The following DLGAP3 variants were observed in gnomAD, a reference collection of about 807,000 sequenced individuals.
DLGAP3 encodes disks large-associated protein 3.
In DLGAP3, 17 loss-of-function variants were observed where a neutral mutation model predicts 81.2. The ratio of observed to expected loss-of-function variants is 0.21; its 90% CI spans 0.14 to 0.31. The LOEUF is 0.31. DLGAP3 is among the 10% of genes least tolerant of loss of function. The probability of loss-of-function intolerance (pLI) is 1.00; values close to 1 mark genes in which losing one functional copy is unlikely to be tolerated. For synonymous variants in DLGAP3, 577 were observed against 587.4 expected (o/e 0.98, Z 0.26); for missense variants, 1,124 against 1,388.0 (o/e 0.81, Z 3.02).
chr1:34,924,576 C>A (rs529395051), intron 1 of DLGAP3, among the ~76,000 whole-genome samples: 1 of 152,158 alleles, frequency 6.6e-6, no homozygotes, highest in Non-Finnish European at 1.5e-5. Context: ...GGAAGACCGG[C>A]GTTCTCTTAA....
chr1:34,924,483 C>T (rs1448685862), intron 1 of DLGAP3, among the ~76,000 whole-genome samples: 1 of 152,182 alleles, frequency 6.6e-6, no homozygotes, highest in East Asian at 1.9e-4. Context: ...TCCCAAATCC[C>T]AAAGTATGAT....
At chr1:34,899,795 G>A (rs1304463401) in intron 4 of DLGAP3, 54 bp from the exon 5 acceptor site, 3 of 1,553,676 alleles carry the variant, frequency 1.9e-6, no homozygotes, top group Non-Finnish European at 2.7e-6. Context: ...GGAGGTGGGG[G>A]AGGGGAGATA....
chr1:34,885,552 T>C lies in DLGAP3; in HGVS notation c.1840A>G (p.Lys614Glu). 1 of 1,608,270 alleles carries C rather than the reference T, an allele frequency of 6.2e-7. No individual in the cohort carries two copies. Among genetic ancestry groups the C allele is most frequent in the Non-Finnish European group, 8.5e-7 (1 of 1,179,700 alleles). ...AGCTCCTCCCTGCCAGGGATGGTCT[T>C]GATGATGAGTGTGGGGGGCTTGGGG... Reference protein sequence around the residue: ...ASPKPPTLIIKTIPGREELRS... With the variant: ...ASPKPPTLIIETIPGREELRS... Residue 614 changes from lysine (K) to glutamate (E), a missense_variant, in exon 7 of 12, where the codon AAG becomes GAG. By Grantham distance (56) the Lys-to-Glu change is moderately conservative (BLOSUM62 1). This residue lies in a region of DLGAP3 where 379 missense variants were observed against 455.7 expected (regional missense o/e 0.83). Transcript: ENST00000373347.
intron 2 of DLGAP3, among the ~76,000 whole-genome samples, chr1:34,906,884 C>A (rs1215529696): frequency 6.6e-6 from 1 of 152,162 alleles, no homozygotes; most frequent in African/African-American, 2.4e-5. Context: ...CAGGAGCTGC[C>A]AGGATAGGAG....
rs1344862411 is a variant in DLGAP3 at position 34,900,953 on chromosome 1, T to C, written c.1108-680A>G. ...AGTGAGCCTGATTAGACGTGGGGGA[T>C]GAGGGGGCGGGAGGAGTCGAGGATG... On this transcript the variant is annotated intron_variant, in intron 3 of 11. Coordinates refer to ENST00000373347, the MANE Select transcript of DLGAP3 (RefSeq NM_001080418.3). The surrounding 1 kb of genome is among the most constrained non-coding windows in gnomAD (Gnocchi z 5.6). 1.4e-5 allele frequency among the ~76,000 whole-genome samples: 2 copies of C among 145,550 alleles called. No individual in the cohort carries two copies. Among genetic ancestry groups the C allele is most frequent in the Non-Finnish European group, 3.0e-5 (2 of 66,362 alleles).
At chr1:34,914,395 G>A (rs952595924) in intron 1 of DLGAP3, among the ~76,000 whole-genome samples, 5 of 152,144 alleles carry the variant, frequency 3.3e-5, no homozygotes, top group African/African-American at 4.8e-5. Flanking sequence ...GTCTCCAGGG[G>A]CCTTCTTTGG....
In DLGAP3 at chr1:34,885,518, A is replaced by T; in HGVS notation, c.1874T>A (p.Leu625Gln). 1 of 1,609,204 alleles carries T rather than the reference A, an allele frequency of 6.2e-7. No individual in the cohort carries two copies. Among genetic ancestry groups the T allele is most frequent in the Non-Finnish European group, 8.5e-7 (1 of 1,179,842 alleles). ...TIPGREELRS[L>Q]ARQRKWRPSI... is the part of the protein sequence containing the mutation. Reference sequence around the variant, plus strand: ...CGGCCGCCACTTCCGCTGCCGCGCCAGGCTCCGCAGCTCCTCCCTGCCAGG... The same window carrying T: ...CGGCCGCCACTTCCGCTGCCGCGCCTGGCTCCGCAGCTCCTCCCTGCCAGG... Residue 625 changes from leucine to glutamine, a missense_variant, in exon 7 of 12, where the codon CTG becomes CAG. By Grantham distance (113) the Leu-to-Gln change is moderately radical (BLOSUM62 -2). Transcript: ENST00000373347.
intron 1 of DLGAP3, among the ~76,000 whole-genome samples, chr1:34,911,291 A>T (rs545486087): frequency 2.0e-4 from 31 of 152,304 alleles, no homozygotes; most frequent in African/African-American, 7.2e-4. Context: ...TCATCCATAC[A>T]TATCTCCCAG....
chr1:34,870,546 T>C lies in DLGAP3; in HGVS notation c.2001-1457A>G, dbSNP rs574421111. 2.0e-5 allele frequency among the ~76,000 whole-genome samples: 3 copies of C among 152,264 alleles called. No individual in the cohort carries two copies. The East Asian group carries it at 5.8e-4, about 29-fold the overall frequency. On this transcript the variant is annotated intron_variant, in intron 8 of 11. Transcript: ENST00000373347. Reference sequence around the variant, plus strand: ...ACTTCTCTCCAGCTGGCAGGCTGCCTGCTGGGAGCCTGTTGCCATAGAAAC... The same window carrying C: ...ACTTCTCTCCAGCTGGCAGGCTGCCCGCTGGGAGCCTGTTGCCATAGAAAC...
rs188119990 is a variant in DLGAP3 at position 34,882,394 on chromosome 1, C to T, written c.2000+2584G>A. 1.7e-4 allele frequency among the ~76,000 whole-genome samples: 26 copies of T among 152,196 alleles called. No homozygotes were observed. In the East Asian group the frequency reaches 4.2e-3, roughly 25 times the overall value. On this transcript the variant is annotated intron_variant, in intron 8 of 11. Transcript: ENST00000373347. ...TTGAGAGGCTGAAGCAGGAGAATGG[C>T]GTGAACCCGGGAGGCAGAGGTTGCA...
intron 11 of DLGAP3, 48 bp from the exon 12 acceptor site, chr1:34,866,349 C>A (rs780317844): frequency 7.1e-7 from 1 of 1,418,366 alleles, no homozygotes; most frequent in South Asian, 1.4e-5. Flanking sequence ...ACCATCCCAA[C>A]ACCCAGGTGT....
At chr1:34,890,991 C>A (rs1230897500) in intron 5 of DLGAP3, among the ~76,000 whole-genome samples, 1 of 152,160 alleles carries the variant, frequency 6.6e-6, no homozygotes. Context: ...GCCAGTGCTA[C>A]CTTAGCTAAA....
At chr1:34,924,337 C>A (rs1400990672) in intron 1 of DLGAP3, among the ~76,000 whole-genome samples, 1 of 152,096 alleles carries the variant, frequency 6.6e-6, no homozygotes, top group East Asian at 1.9e-4. Flanking sequence ...TGGCACTGAA[C>A]AACCCCACCC....
Position 34,887,689 on chromosome 1 carries a change from C to T in DLGAP3, c.1387-1404G>A, listed in dbSNP as rs892893171. On this transcript the variant is annotated intron_variant, in intron 5 of 11. Coordinates refer to ENST00000373347, the MANE Select transcript of DLGAP3 (RefSeq NM_001080418.3). ...GCAGGCAAAGCATCAGGGAGTATAGCCTCAGAGTTGCCTGCATGGGCTATG... is the reference window on the plus strand; with the variant it reads ...GCAGGCAAAGCATCAGGGAGTATAGTCTCAGAGTTGCCTGCATGGGCTATG... Among the ~76,000 whole-genome samples, 3 of 152,276 alleles carry T rather than the reference C, an allele frequency of 2.0e-5. No individual in the cohort carries two copies. In the South Asian group the frequency reaches 6.2e-4, roughly 32 times the overall value.
Position 34,902,386 on chromosome 1 carries a change from G to A in DLGAP3, c.1107+1891C>T, listed in dbSNP as rs1431423481. On this transcript the variant is annotated intron_variant, in intron 3 of 11. Coordinates refer to ENST00000373347, the MANE Select transcript of DLGAP3 (RefSeq NM_001080418.3). This position sits in a 1 kb window ranked among gnomAD's most constrained non-coding sequence, Gnocchi z 4.4. ...GGATGATGGGAAACAAAGAGATGAG[G>A]CTCCATAAAGAAACAGGGGCTCAGA... Among the ~76,000 whole-genome samples, 1 of 152,074 alleles carries A rather than the reference G, an allele frequency of 6.6e-6. No individual in the cohort carries two copies. Among genetic ancestry groups the A allele is most frequent in the African/African-American group, 2.4e-5 (1 of 41,410 alleles).
intron 11 of DLGAP3, among the ~76,000 whole-genome samples, chr1:34,866,535 C>A (rs1638881749): frequency 6.6e-6 from 1 of 152,186 alleles, no homozygotes; most frequent in African/African-American, 2.4e-5. Context: ...CCTGGTGGCG[C>A]CGTTCTCAAC....
intron 8 of DLGAP3, among the ~76,000 whole-genome samples, chr1:34,878,018 A>G (rs1217171754): frequency 6.6e-6 from 1 of 152,250 alleles, no homozygotes; most frequent in Non-Finnish European, 1.5e-5. Context: ...TAAGCAACAC[A>G]TATAGGCCAG....
rs1338462245 is a variant in DLGAP3 at position 34,865,751 on chromosome 1, G to A, written c.*332C>T. The A allele has an allele frequency of 5.2e-6, 2 of 384,204 alleles. No homozygotes were observed. Among genetic ancestry groups the A allele is most frequent in the African/African-American group, 4.4e-5 (2 of 45,030 alleles). The allele number at this position is 384,204 out of a possible 1,614,324, so 23.8% of individuals were successfully genotyped here. On this transcript the variant is annotated 3_prime_UTR_variant, in exon 12 of 12. Coordinates refer to ENST00000373347, the MANE Select transcript of DLGAP3 (RefSeq NM_001080418.3). ...AGGGGGGGACGCAGAGCCCAGATGA[G>A]GGACCCGGCCCGGCCTGGCCCGTGG...
intron 8 of DLGAP3, among the ~76,000 whole-genome samples, chr1:34,875,642 A>G (rs955550281): frequency 3.9e-5 from 6 of 152,328 alleles, no homozygotes; most frequent in African/African-American, 9.6e-5. Context: ...CCCATTTTCT[A>G]TGACTTCAGA....
Sources: allele counts gnomAD v4.1 joint callset (sites outside exome capture counted in the v4.1 genomes callset), GRCh38; gene constraint gnomAD v4.1.1; regional missense constraint gnomAD v4.1.1; non-coding constraint Gnocchi (gnomAD v3.1); transcripts MANE v1.5; gene names NCBI Gene and HGNC (gene_info 2026-07-23, HGNC 2026-07-21).